ST18: variants seen among roughly 807,000 people sequenced by gnomAD.
ST18 encodes the protein ST18 C2H2C-type zinc finger transcription factor, also known as suppression of tumorigenicity 18 protein.
In ST18, 50 loss-of-function variants were observed where a neutral mutation model predicts 110.0. The observed-to-expected ratio is 0.45, with a 90% CI of 0.36 to 0.58. ST18 has a LOEUF of 0.58. Among genes scored for constraint, ST18 ranks in the 20% least tolerant of loss-of-function variants. The pLI is 0.00. For missense variants in ST18, 1,306 were observed against 1,280.1 expected, an observed-to-expected ratio of 1.02 and a Z score of -0.31; for synonymous variants, 461 against 452.4, an observed-to-expected ratio of 1.02 and a Z score of -0.24.
At chr8:52,250,601 A>G (rs1394753399) in intron 2 of ST18, among the ~76,000 whole-genome samples, 2 of 151,600 alleles carry the variant, frequency 1.3e-5, no homozygotes, top group Non-Finnish European at 2.9e-5. Flanking sequence ...CAAACCCACC[A>G]CAGTGAGCTG....
Position 52,111,053 on chromosome 8 carries a change from T to G in ST18, c.*2145A>C, listed in dbSNP as rs140044375. On this transcript the variant is annotated 3_prime_UTR_variant, in exon 26 of 26. Coordinates refer to ENST00000689386, the MANE Select transcript of ST18 (RefSeq NM_001352837.2). ...ATAGTTGAAAAGAAAACAAATTCAG[T>G]GCACATTACAAAACACATCAAGTAC... 32 of 398,674 alleles carry G rather than the reference T, an allele frequency of 8.0e-5. No individual in the cohort carries two copies. In the East Asian group the frequency reaches 1.1e-3, roughly 14 times the overall value. 24.7% of individuals were successfully genotyped at this position (398,674 alleles called of 1,614,324 possible).
At chr8:52,158,765 T>A in intron 15 of ST18, 133 bp downstream of exon 15, 4 of 1,037,420 alleles carry the variant, frequency 3.9e-6, no homozygotes, top group Non-Finnish European at 5.8e-6. Flanking sequence ...CTGAGCCTCT[T>A]CCTGAGACAG....
At chr8:52,268,791 A>G (rs2094970642) in intron 2 of ST18, among the ~76,000 whole-genome samples, 1 of 152,172 alleles carries the variant, frequency 6.6e-6, no homozygotes, top group South Asian at 2.1e-4. Context: ...TGCTGTCAAC[A>G]TTGCTGTAAA....
chr8:52,383,756 T>A (rs766527937), intron 2 of ST18, among the ~76,000 whole-genome samples: 3 of 151,976 alleles, frequency 2.0e-5, no homozygotes, highest in Middle Eastern at 3.4e-3. Context: ...CCCATTTTTA[T>A]TTATTTTTAA....
chr8:52,209,915 C>T, intron 8 of ST18: 1 of 352,224 alleles, frequency 2.8e-6, no homozygotes, highest in East Asian at 7.4e-5. Flanking sequence ...TTGCTTCTCT[C>T]TGCTAATACC....
chr8:52,241,007 C>G (rs1037616453), intron 2 of ST18, among the ~76,000 whole-genome samples: 1 of 152,212 alleles, frequency 6.6e-6, no homozygotes, highest in Non-Finnish European at 1.5e-5. Flanking sequence ...ATTTTTTCCT[C>G]TAAACAACCT....
At chr8:52,406,469 TCTGGC>T (rs1298349160) in intron 2 of ST18, 1 of 152,352 alleles carries the variant, frequency 6.6e-6, no homozygotes, top group Non-Finnish European at 1.5e-5. Flanking sequence ...GGGCCAGCGA[TCTGGC>T]CTTGAAGGAG....
chr8:52,210,143 C>A (rs751244746), intron 8 of ST18: 1 of 456,120 alleles, frequency 2.2e-6, no homozygotes, highest in South Asian at 1.5e-5. Flanking sequence ...AGAAACCACT[C>A]CAGGGACTGC....
intron 2 of ST18, among the ~76,000 whole-genome samples, chr8:52,250,472 A>AAAAAAAAAAAAAAAAC (rs2094209246): frequency 6.7e-6 from 1 of 149,620 alleles, no homozygotes; most frequent in South Asian, 2.1e-4. Context: ...AAAAAAAAAA[A>AAAAAAAAAAAAAAAAC]AAAAAGATCA....
At chr8:52,350,859 T>C (rs1276657687) in intron 2 of ST18, among the ~76,000 whole-genome samples, 3 of 152,106 alleles carry the variant, frequency 2.0e-5, no homozygotes, top group African/African-American at 7.2e-5. Flanking sequence ...TAGCTGGGAC[T>C]ACAGGCGTGT....
At chr8:52,205,938 A>G (rs1470132486) in intron 8 of ST18, among the ~76,000 whole-genome samples, 1 of 152,174 alleles carries the variant, frequency 6.6e-6, no homozygotes. Context: ...AGGTTAGGAT[A>G]CTTTTCAGCT....
chr8:52,292,525 G>A (rs913826807), intron 2 of ST18, among the ~76,000 whole-genome samples: 1 of 152,158 alleles, frequency 6.6e-6, no homozygotes, highest in African/African-American at 2.4e-5. Context: ...AGCAGCCTCA[G>A]GTGTGTGCCT....
intron 22 of ST18, among the ~76,000 whole-genome samples, chr8:52,129,659 A>G (rs1367310792): frequency 2.0e-5 from 3 of 152,172 alleles, no homozygotes; most frequent in African/African-American, 7.2e-5. Flanking sequence ...TTTCTTAAAT[A>G]TTTTAAATTG....
At chr8:52,291,859 C>T (rs1244189047) in intron 2 of ST18, among the ~76,000 whole-genome samples, 1 of 152,086 alleles carries the variant, frequency 6.6e-6, no homozygotes, top group African/African-American at 2.4e-5. Context: ...ACTGCAGCCT[C>T]GACCTCCTCG....
chr8:52,393,304 G>A (rs1243632013), intron 2 of ST18, among the ~76,000 whole-genome samples: 4 of 152,074 alleles, frequency 2.6e-5, no homozygotes, highest in African/African-American at 4.8e-5. Context: ...CCAGACCTGC[G>A]GCACAGACCC....
At chr8:52,252,098 A>G (rs2094340815) in intron 2 of ST18, among the ~76,000 whole-genome samples, 2 of 152,116 alleles carry the variant, frequency 1.3e-5, no homozygotes, top group Non-Finnish European at 2.9e-5. Context: ...CTAAAGAGTT[A>G]TATATTTAAT....
chr8:52,281,624 T>C (rs78360535), intron 2 of ST18, among the ~76,000 whole-genome samples: 13,084 of 152,114 alleles, frequency 0.086, 623 homozygotes, highest in East Asian at 0.17. Context: ...TAAATTGAAA[T>C]AGTACATTAA....
intron 2 of ST18, among the ~76,000 whole-genome samples, chr8:52,277,292 G>A (rs1428770692): frequency 1.3e-5 from 2 of 152,102 alleles, no homozygotes; most frequent in Non-Finnish European, 2.9e-5. Flanking sequence ...ATCCACTCCT[G>A]CTCATCTCGA....
intron 2 of ST18, among the ~76,000 whole-genome samples, chr8:52,280,637 T>A (rs2095358261): frequency 6.6e-6 from 1 of 152,092 alleles, no homozygotes; most frequent in African/African-American, 2.4e-5. Context: ...TGACCTTATT[T>A]AAGTTATTTT....
Sources: allele counts gnomAD v4.1 joint callset (sites outside exome capture counted in the v4.1 genomes callset), GRCh38; gene constraint gnomAD v4.1.1; transcripts MANE v1.5; gene names NCBI Gene and HGNC (gene_info 2026-07-23, HGNC 2026-07-21).